The following MEGF6 variants were observed in gnomAD, a reference collection of about 807,000 sequenced individuals.
MEGF6 encodes multiple EGF like domains 6.
Under a neutral mutation model 207.1 loss-of-function variants are expected in MEGF6, and 184 were observed. The observed-to-expected ratio is 0.89, with a 90% CI of 0.79 to 1.00. The LOEUF is 1.00. Among genes scored for constraint, MEGF6 ranks in the 50% least tolerant of loss-of-function variants. MEGF6 has a pLI of 0.00. For missense variants in MEGF6, 2,282 were observed against 2,202.9 expected, an observed-to-expected ratio of 1.04 and a Z score of -0.72; for synonymous variants, 1,038 against 910.0, an observed-to-expected ratio of 1.14 and a Z score of -2.53.
At chr1:3,500,276 G>A (rs1640798745) in intron 21 of MEGF6, among the ~76,000 whole-genome samples, 1 of 152,218 alleles carries the variant, frequency 6.6e-6, no homozygotes, top group Non-Finnish European at 1.5e-5. Flanking sequence ...TCCCCCAGGT[G>A]CCAGGCCTCC....
At chr1:3,595,898 C>T (rs1161743385) in intron 2 of MEGF6, among the ~76,000 whole-genome samples, 2 of 152,130 alleles carry the variant, frequency 1.3e-5, no homozygotes, top group African/African-American at 2.4e-5. Flanking sequence ...CCATGGTGCC[C>T]GGGACCGGGT....
chr1:3,500,587 G>T, intron 21 of MEGF6, 46 bp downstream of exon 21: 1 of 1,525,854 alleles, frequency 6.6e-7, no homozygotes. Flanking sequence ...ATGTGTGCGT[G>T]TGCGCACTCA....
rs748411730 is a variant in MEGF6 at position 3,514,618 on chromosome 1, A to G, written c.785T>C (p.Val262Ala). Residue 262 changes from valine (V) to alanine (A), a missense_variant, in exon 7 of 37, where the codon GTC (valine) becomes GCC (alanine). Transcript: ENST00000356575. ...NGSCMHRCQV[V>A]RGLARCECHV... ...GCACTCACAGCGGGCGAGGCCCCGG[A>G]CCACCTGGCACCTGTGCATGCAGCT... 3.5e-4 allele frequency: 556 copies of G among 1,579,442 alleles called. No individual in the cohort carries two copies. Among genetic ancestry groups the G allele is most frequent in the Non-Finnish European group, 4.4e-4 (515 of 1,165,050 alleles).
chr1:3,561,785 C>T (rs954323080), intron 4 of MEGF6, among the ~76,000 whole-genome samples: 1 of 152,256 alleles, frequency 6.6e-6, no homozygotes, highest in African/African-American at 2.4e-5. Flanking sequence ...ACTTCGCTCT[C>T]CTGACTTCTG....
Position 3,501,899 on chromosome 1 carries a change from G to A in MEGF6, c.2211C>T (p.Gly737=), listed in dbSNP as rs761008585. Residue 737 remains glycine, a synonymous_variant, in exon 18 of 37, where the codon GGC becomes GGT. Coordinates refer to ENST00000356575, the MANE Select transcript of MEGF6 (RefSeq NM_001409.4). ...AGGAGCAGGAGCTCGAGCAGTTCAC[G>A]CCAAACGTCCCCACCGGGCACTCTG... The part of the protein sequence containing the change: ...CGQECPVGTF[G]VNCSSSCSCG... 17 of 1,605,628 alleles carry A rather than the reference G, an allele frequency of 1.1e-5. No homozygotes were observed. The highest frequency in any genetic ancestry group is 6.8e-5 in the African/African-American group (5 of 73,784).
upstream of MEGF6, among the ~76,000 whole-genome samples, chr1:3,616,253 C>T (rs915549617): frequency 6.6e-5 from 10 of 152,204 alleles, no homozygotes; most frequent in South Asian, 8.3e-4. Context: ...GCTCCCCGAA[C>T]GAACATTTCT....
intron 4 of MEGF6, among the ~76,000 whole-genome samples, chr1:3,552,015 C>A (rs1642904403): frequency 6.6e-6 from 1 of 152,208 alleles, no homozygotes. Context: ...GTCCCCAAGT[C>A]AACGTTACCA....
intron 5 of MEGF6, among the ~76,000 whole-genome samples, chr1:3,521,800 C>T (rs1641759758): frequency 6.6e-6 from 1 of 152,214 alleles, no homozygotes; most frequent in Non-Finnish European, 1.5e-5. Context: ...GCACAGCTCG[C>T]ACACAGAGGC....
rs1024325513 is a variant in MEGF6 at position 3,565,374 on chromosome 1, C to T, written c.481+14451G>A. Among the ~76,000 whole-genome samples, 1 of 152,184 alleles carries T rather than the reference C, an allele frequency of 6.6e-6. No individual in the cohort carries two copies. Among genetic ancestry groups the T allele is most frequent in the African/African-American group, 2.4e-5 (1 of 41,434 alleles). Reference sequence around the variant, plus strand: ...TTCCTAGCTGGACCTTAAAACCCCCCGGGTCCTGGTGCCTGCTCTGGCCTC... The same window carrying T: ...TTCCTAGCTGGACCTTAAAACCCCCTGGGTCCTGGTGCCTGCTCTGGCCTC... On this transcript the variant is annotated intron_variant, in intron 4 of 36. Transcript: ENST00000356575. The surrounding 1 kb of genome is among the most constrained non-coding windows in gnomAD (Gnocchi z 4.8).
chr1:3,532,635 A>G (rs975870663), intron 4 of MEGF6, among the ~76,000 whole-genome samples: 8 of 152,206 alleles, frequency 5.3e-5, no homozygotes, highest in Non-Finnish European at 1.0e-4. Context: ...CCAGAGGACA[A>G]TAGGTGAGCG....
chr1:3,624,636 G>T, the MEGF6 span: 1,206 of 152,652 alleles, frequency 7.9e-3, 12 homozygotes, highest in Non-Finnish European at 0.013. Flanking sequence ...CCCCACCTGC[G>T]CTCCAGAAGG....
At position 3,588,730 on chromosome 1, in the gene MEGF6, A is replaced by C. The variant is rs188023722; in HGVS notation, c.376+6608T>G. Among the ~76,000 whole-genome samples the C allele has an allele frequency of 2.1e-4, 32 of 152,120 alleles. 1 individual carries two copies. Among genetic ancestry groups the C allele is most frequent in the Admixed American group, 2.1e-3 (32 of 15,290 alleles). On this transcript the variant is annotated intron_variant, in intron 3 of 36. Transcript: ENST00000356575. ...CCTTCACAGAGGCAGGGCCGGGCCC[A>C]AGCTCTCTAGACTCAGTTCTTGCTC... is the stretch of plus-strand genomic sequence containing the variant.
At chr1:3,510,111 GC>G in intron 10 of MEGF6, 119 bp from the exon 11 acceptor site, 1 of 1,325,150 alleles carries the variant, frequency 7.5e-7, no homozygotes, top group Non-Finnish European at 1.0e-6. Context: ...GAGCTGAGTA[GC>G]ATCTCTTCAA....
chr1:3,499,257 G>T lies in MEGF6; in HGVS notation c.2975C>A (p.Ala992Asp). ...GCTGCAATTGTGCCCGTAGGTGTGGGCTGGGCAGGCTGCAGGTGGAGAGGG... is the reference window on the plus strand; with the variant it reads ...GCTGCAATTGTGCCCGTAGGTGTGGTCTGGGCAGGCTGCAGGTGGAGAGGG... Reference protein sequence around the residue: ...RGPRCAETCPAHTYGHNCSQA... With the variant: ...RGPRCAETCPDHTYGHNCSQA... The change falls in exon 24 of 37, where the codon GCC becomes GAC. Residue 992 changes from alanine (A) to aspartate (D), a missense_variant. Physicochemically the swap from Ala to Asp is moderately radical, Grantham distance 126 (BLOSUM62 -2). Coordinates refer to ENST00000356575, the MANE Select transcript of MEGF6 (RefSeq NM_001409.4). 1 of 1,604,304 alleles carries T rather than the reference G, an allele frequency of 6.2e-7. No homozygotes were observed. Among genetic ancestry groups the T allele is most frequent in the African/African-American group, 1.3e-5 (1 of 74,944 alleles).
In MEGF6 at chr1:3,509,857, G is replaced by A. The variant is rs573186559; in HGVS notation, c.1357+13C>T. On this transcript the variant is annotated intron_variant, in intron 11 of 36. Coordinates refer to ENST00000356575, the MANE Select transcript of MEGF6 (RefSeq NM_001409.4). ...GGCAGAGGCCGGTGCTCCGCGGAGG[G>A]CGGGAGACTCACGGCTGCAGCCCCT... 43 of 1,550,422 alleles carry A rather than the reference G, an allele frequency of 2.8e-5. No homozygotes were observed. In the South Asian group the frequency reaches 4.7e-4, roughly 17 times the overall value.
At chr1:3,490,776 C>A in intron 36 of MEGF6, 136 bp downstream of exon 36, 1 of 1,294,412 alleles carries the variant, frequency 7.7e-7, no homozygotes. Flanking sequence ...GGTCTCTGAG[C>A]TCCAGATTCC....
chr1:3,622,970 T>G, the MEGF6 span, among the ~76,000 whole-genome samples: 5 of 152,140 alleles, frequency 3.3e-5, no homozygotes, highest in Admixed American at 2.0e-4. Context: ...CACAGAAGGC[T>G]CAGGCACCTG....
chr1:3,507,938 A>C lies in MEGF6; in HGVS notation c.1661-15T>G. 1.2e-6 allele frequency: 2 copies of C among 1,607,116 alleles called. No homozygotes were observed. The highest frequency in any genetic ancestry group is 1.7e-6 in the Non-Finnish European group (2 of 1,175,458). On this transcript the variant is annotated splice_polypyrimidine_tract_variant and intron_variant, in intron 13 of 36. Coordinates refer to ENST00000356575, the MANE Select transcript of MEGF6 (RefSeq NM_001409.4). ...CGGAGGACAAGCTACAAAGAATGACAGGGAAGCGTCAGGGTCACCAGCCAG... is the reference window on the plus strand; with the variant it reads ...CGGAGGACAAGCTACAAAGAATGACCGGGAAGCGTCAGGGTCACCAGCCAG...
chr1:3,592,287 G>A (rs115868017), intron 3 of MEGF6, among the ~76,000 whole-genome samples: 3,208 of 152,290 alleles, frequency 0.021, 68 homozygotes, highest in South Asian at 0.09. Context: ...GCCTCGTGGT[G>A]TGGGGAGGTC....
Sources: gnomAD v4.1 joint callset for allele counts (sites outside exome capture counted in the v4.1 genomes callset) on GRCh38, gnomAD v4.1.1 for gene constraint, Gnocchi (gnomAD v3.1) non-coding constraint, MANE v1.5 for transcripts, NCBI Gene and HGNC (gene_info 2026-07-23, HGNC 2026-07-21) for gene names.